The following TXNDC12 variants were observed in gnomAD, a reference collection of about 807,000 sequenced individuals.
TXNDC12 encodes the protein thioredoxin domain-containing protein 12.
TXNDC12 carries 22 observed loss-of-function variants against 24.2 expected under a neutral mutation model. The observed-to-expected ratio is 0.91, with a 90% CI of 0.65 to 1.30. The LOEUF is 1.30. Among genes scored for constraint, TXNDC12 ranks in the 50% most tolerant of loss-of-function variants. The pLI is 0.00. For missense variants in TXNDC12, 184 were observed against 205.8 expected, an observed-to-expected ratio of 0.89 and a Z score of 0.65; for synonymous variants, 58 against 73.4, an observed-to-expected ratio of 0.79 and a Z score of 1.07.
intron 1 of TXNDC12, among the ~76,000 whole-genome samples, chr1:52,047,801 T>C (rs1686125739): frequency 6.6e-6 from 1 of 152,098 alleles, no homozygotes; most frequent in Admixed American, 6.6e-5. Context: ...GACAACTCCT[T>C]ATAAGTGAAG....
chr1:52,022,396 C>T (rs1003928289), intron 6 of TXNDC12, among the ~76,000 whole-genome samples: 2 of 152,146 alleles, frequency 1.3e-5, no homozygotes, highest in African/African-American at 4.8e-5. Flanking sequence ...ACTTCCTTCA[C>T]TTGTTTGTGC....
In TXNDC12 at chr1:52,024,471, C is replaced by G. The variant is rs773909398; in HGVS notation, c.355+39G>C. On this transcript the variant is annotated intron_variant, in intron 5 of 6. Coordinates refer to ENST00000371626, the MANE Select transcript of TXNDC12 (RefSeq NM_015913.4). ...TGCCTTGATTCATTTCTCTCTCCATCCACATCATGGATTCCCAGGTTAAGA... is the reference window on the plus strand; with the variant it reads ...TGCCTTGATTCATTTCTCTCTCCATGCACATCATGGATTCCCAGGTTAAGA... 104 of 1,497,756 alleles carry G rather than the reference C, an allele frequency of 6.9e-5. No individual in the cohort carries two copies. The Middle Eastern group carries it at 1.0e-3, about 15-fold the overall frequency. 92.8% of individuals were successfully genotyped at this position (1,497,756 alleles called of 1,614,324 possible).
intron 2 of TXNDC12, chr1:52,033,740 C>A (rs1040982849): frequency 6.2e-7 from 1 of 1,603,550 alleles, no homozygotes; most frequent in East Asian, 2.2e-5. Flanking sequence ...TACGGCAGCC[C>A]GCAAAACACC....
chr1:52,032,049 A>G (rs1168700345), intron 2 of TXNDC12: 3 of 765,130 alleles, frequency 3.9e-6, no homozygotes, highest in Non-Finnish European at 4.8e-6. Flanking sequence ...TGACAAGTAT[A>G]CCTAAAATGT....
Position 52,020,970 on chromosome 1 carries a change from T to A in TXNDC12, c.482A>T (p.Asp161Val). The A allele has an allele frequency of 6.2e-7, 1 of 1,614,186 alleles. No individual in the cohort carries two copies. The highest frequency in any genetic ancestry group is 1.1e-5 in the South Asian group (1 of 91,086). ...TTCAAGATGTTTCTTTCTGAAGGCA[T>A]CACCCGTCAGCCTTTCCTGAGCTTC... The part of the protein sequence containing the change: ...MKEAQERLTG[D>V]AFRKKHLEDE... The change falls in exon 7 of 7, where the codon GAT becomes GTT. Residue 161 changes from aspartate (D) to valine (V), a missense_variant. Coordinates refer to ENST00000371626, the MANE Select transcript of TXNDC12 (RefSeq NM_015913.4).
intron 1 of TXNDC12, among the ~76,000 whole-genome samples, chr1:52,053,098 A>AC (rs911848826): frequency 5.6e-5 from 1 of 17,788 alleles, no homozygotes; most frequent in Non-Finnish European, 1.2e-4. Flanking sequence ...ACAAAAAAAT[A>AC]CAAAAAAAAA....
At chr1:52,023,238 T>C in intron 6 of TXNDC12, 1 of 363,754 alleles carries the variant, frequency 2.7e-6, no homozygotes, top group Non-Finnish European at 5.0e-6. Flanking sequence ...TATGAAACTA[T>C]GGGCAAGTGA....
chr1:52,041,681 C>T (rs552521863), intron 1 of TXNDC12, 84 bp from the exon 2 acceptor site: 3 of 887,116 alleles, frequency 3.4e-6, no homozygotes, highest in Non-Finnish European at 5.3e-6. Flanking sequence ...TCACAAGATA[C>T]CCACTAAGAA....
At chr1:52,024,698 C>CA in intron 4 of TXNDC12, 119 bp from the exon 5 acceptor site, 1 of 704,606 alleles carries the variant, frequency 1.4e-6, no homozygotes, top group Non-Finnish European at 2.5e-6. Flanking sequence ...CCTATAAGGC[C>CA]CTACATGATC....
At chr1:52,025,955 A>G (rs1685665759) in intron 4 of TXNDC12, among the ~76,000 whole-genome samples, 1 of 151,140 alleles carries the variant, frequency 6.6e-6, no homozygotes, top group Non-Finnish European at 1.5e-5. Context: ...CAGGCTCCCT[A>G]GTAGCTGGGA....
chr1:52,032,304 T>C, intron 2 of TXNDC12: 3 of 1,005,446 alleles, frequency 3.0e-6, no homozygotes, highest in Non-Finnish European at 3.6e-6. Flanking sequence ...GATGTAGAAC[T>C]GTACCATCTT....
intron 2 of TXNDC12, chr1:52,032,606 G>T (rs865794422): frequency 6.6e-7 from 1 of 1,505,718 alleles, no homozygotes; most frequent in Non-Finnish European, 8.8e-7. Flanking sequence ...GTACTGCATC[G>T]ATATGCTCTG....
At position 52,049,553 on chromosome 1, in the gene TXNDC12, T is replaced by G. The variant is rs142924931; in HGVS notation, c.97+5447A>C. Among the ~76,000 whole-genome samples the G allele has an allele frequency of 5.0e-3, 757 of 152,286 alleles. 13 individuals are homozygous for G. In the South Asian group the frequency reaches 0.057, roughly 12 times the overall value. On this transcript the variant is annotated intron_variant, in intron 1 of 6. Transcript: ENST00000371626. ...GTGAGCTGAGATTGCGTCACTGCAC[T>G]CCAGCCTAGGCAACAGAGCAAGACT...
chr1:52,026,226 C>T (rs528980901), intron 4 of TXNDC12, among the ~76,000 whole-genome samples: 15 of 152,220 alleles, frequency 9.9e-5, no homozygotes, highest in Admixed American at 3.3e-4. Context: ...AAAGAGAGCA[C>T]GGCTAGGTGA....
rs187829744 is a variant in TXNDC12, at chr1:52,042,700, G to A, written c.98-1103C>T. Among the ~76,000 whole-genome samples, 626 of 152,060 alleles carry A rather than the reference G, an allele frequency of 4.1e-3. 4 individuals carry two copies. The highest frequency in any genetic ancestry group is 0.014 in the African/African-American group (590 of 41,486). ...TGCAATGGCATGATCTCGGCTCACC[G>A]CAACCTCCACCTCCTGGGTTCAAGC... On this transcript the variant is annotated intron_variant, in intron 1 of 6. Transcript: ENST00000371626.
chr1:52,051,567 T>C (rs1200831392), intron 1 of TXNDC12, among the ~76,000 whole-genome samples: 4 of 152,072 alleles, frequency 2.6e-5, no homozygotes, highest in African/African-American at 9.7e-5. Context: ...TTAGTAGAGA[T>C]GGGGTTTCGC....
chr1:52,020,981 C>G lies in TXNDC12; in HGVS notation c.471G>C (p.Arg157Ser). 1 of 1,614,128 alleles carries G rather than the reference C, an allele frequency of 6.2e-7. No homozygotes were observed. Among genetic ancestry groups the G allele is most frequent in the Non-Finnish European group, 8.5e-7 (1 of 1,179,978 alleles). ...VVQGMKEAQE[R>S]LTGDAFRKKH... ...TCTTTCTGAAGGCATCACCCGTCAG[C>G]CTTTCCTGAGCTTCCTTCATCCCCT... Residue 157 changes from arginine (R) to serine (S), a missense_variant, in exon 7 of 7, where the codon AGG becomes AGC. Transcript: ENST00000371626.
At chr1:52,033,727 C>G in intron 2 of TXNDC12, 4 of 1,608,416 alleles carry the variant, frequency 2.5e-6, no homozygotes, top group Non-Finnish European at 3.4e-6. Context: ...GCTCTTGCCG[C>G]TGTACGGCAG....
At chr1:52,049,360 G>A (rs1386872081) in intron 1 of TXNDC12, among the ~76,000 whole-genome samples, 2 of 152,182 alleles carry the variant, frequency 1.3e-5, no homozygotes, top group Non-Finnish European at 2.9e-5. Context: ...GGGAGGCTGA[G>A]GCGGGTGGAT....
Sources: gnomAD v4.1 joint callset for allele counts (sites outside exome capture counted in the v4.1 genomes callset) on GRCh38, gnomAD v4.1.1 for gene constraint, MANE v1.5 for transcripts, NCBI Gene and HGNC (gene_info 2026-07-23, HGNC 2026-07-21) for gene names.